SLTM: variants seen among roughly 807,000 people sequenced by gnomAD.
The protein encoded by SLTM is SAFB like transcription modulator.
In SLTM, 43 loss-of-function variants were observed where a neutral mutation model predicts 134.6. That is an observed-to-expected ratio of 0.32 (90% CI 0.25 to 0.41). The LOEUF is 0.41. Among genes scored for constraint, SLTM ranks in the 10% least tolerant of loss-of-function variants. The pLI is 1.00. For synonymous variants in SLTM, 424 were observed against 432.3 expected (o/e 0.98, Z 0.24); for missense variants, 1,055 against 1,288.8 (o/e 0.82, Z 2.78).
intron 2 of SLTM, among the ~76,000 whole-genome samples, chr15:58,929,804 T>C (rs7181271): frequency 6.6e-6 from 1 of 151,996 alleles, no homozygotes; most frequent in South Asian, 2.1e-4. Context: ...TAGAACTGAG[T>C]TGGTATGACG....
Position 58,880,137 on chromosome 15 carries a change from A to T in SLTM, c.2997-30T>A. On this transcript the variant is annotated intron_variant, in intron 20 of 20. Transcript: ENST00000380516. Reference sequence around the variant, plus strand: ...AAAAGGTTTAAAAGAAAAAAACATCAGAGAACAAAGAACAAATCATCACTG... The same window carrying T: ...AAAAGGTTTAAAAGAAAAAAACATCTGAGAACAAAGAACAAATCATCACTG... 5 of 1,606,002 alleles carry T rather than the reference A, an allele frequency of 3.1e-6. No homozygotes were observed. The East Asian group carries it at 6.7e-5, about 22-fold the overall frequency.
chr15:58,931,649 T>TA (rs1761517292), intron 2 of SLTM, among the ~76,000 whole-genome samples: 1 of 152,196 alleles, frequency 6.6e-6, no homozygotes, highest in Admixed American at 6.5e-5. Context: ...CAAGAAGCTT[T>TA]AAAAAATACC....
chr15:58,923,180 G>A (rs2037217184), intron 2 of SLTM, among the ~76,000 whole-genome samples: 1 of 151,950 alleles, frequency 6.6e-6, no homozygotes, highest in East Asian at 1.9e-4. Flanking sequence ...CAACATGGTG[G>A]AGCCCCGTAT....
intron 3 of SLTM, chr15:58,916,658 C>T (rs950855610): frequency 2.7e-5 from 7 of 258,834 alleles, no homozygotes; most frequent in African/African-American, 4.5e-5. Flanking sequence ...TCAATTGTCT[C>T]GTAGCTATTC....
In SLTM at chr15:58,897,101, TA is replaced by T; in HGVS notation, c.1227+13del. On this transcript the variant is annotated intron_variant, in intron 9 of 20. Coordinates refer to ENST00000380516, the MANE Select transcript of SLTM (RefSeq NM_024755.4). ...GACACCAGAAAGACAGATAAAAAGG[TA>T]AAAAGAATGTACCTTTCCATATTTG... is the stretch of plus-strand genomic sequence containing the variant. 6.7e-7 allele frequency: 1 copy of T among 1,497,102 alleles called. No individual in the cohort carries two copies. The highest frequency in any genetic ancestry group is 9.3e-7 in the Non-Finnish European group (1 of 1,074,050). The allele number at this position is 1,497,102 out of a possible 1,614,324, so 92.7% of individuals were successfully genotyped here.
Position 58,893,960 on chromosome 15 carries a change from CTCT to C in SLTM, c.1506_1508del (p.Glu503del), listed in dbSNP as rs1488911012. The C allele has an allele frequency of 6.2e-7, 1 of 1,610,970 alleles. No homozygotes were observed. ...TTTCAGATTTCTCAGACGATCTTTT[CTCT>C]TCTTTTTTGACAGAGGCTTGTGTCC... On this transcript the variant is annotated inframe_deletion, in exon 12 of 21. Coordinates refer to ENST00000380516, the MANE Select transcript of SLTM (RefSeq NM_024755.4).
At chr15:58,910,910 A>C (rs902413718) in intron 5 of SLTM, among the ~76,000 whole-genome samples, 9 of 151,880 alleles carry the variant, frequency 5.9e-5, no homozygotes. Context: ...AGGCCTGGCT[A>C]ATTTTTTGTA....
At chr15:58,909,827 G>A (rs1388185550) in intron 5 of SLTM, among the ~76,000 whole-genome samples, 1 of 152,200 alleles carries the variant, frequency 6.6e-6, no homozygotes, top group East Asian at 1.9e-4. Context: ...TCCAGGCCTT[G>A]GAAGCTCTAT....
Position 58,932,427 on chromosome 15 carries a change from C to T in SLTM, c.179G>A (p.Gly60Glu), listed in dbSNP as rs1448346666. The change falls in exon 2 of 21, where the codon GGA (glycine) becomes GAA (glutamate). Residue 60 changes from glycine (G) to glutamate (E), a missense_variant. Gly to Glu is a moderately conservative substitution (Grantham distance 98). This residue lies in a region of SLTM where 268 missense variants were observed against 284.3 expected (regional missense o/e 0.94). Coordinates refer to ENST00000380516, the MANE Select transcript of SLTM (RefSeq NM_024755.4). The part of the protein sequence containing the change: ...SRLKQAIEEE[G>E]GDPDNIELTV... ...TAATTCAATATTATCTGGATCGCCTCCTTCCTCTTCAATAGCCTACATTAG... is the reference window on the plus strand; with the variant it reads ...TAATTCAATATTATCTGGATCGCCTTCTTCCTCTTCAATAGCCTACATTAG... 1 of 1,610,428 alleles carries T rather than the reference C, an allele frequency of 6.2e-7. No individual in the cohort carries two copies. Among genetic ancestry groups the T allele is most frequent in the Non-Finnish European group, 8.5e-7 (1 of 1,176,834 alleles).
At chr15:58,915,227 CAAAAAA>C (rs1555454294) in intron 3 of SLTM, among the ~76,000 whole-genome samples, 4 of 109,510 alleles carry the variant, frequency 3.7e-5, no homozygotes, top group African/African-American at 1.2e-4. Flanking sequence ...AAAACAAAAA[CAAAAAA>C]AAAGTTCCCT....
At chr15:58,905,838 G>T (rs368428967) in intron 5 of SLTM, among the ~76,000 whole-genome samples, 1 of 151,970 alleles carries the variant, frequency 6.6e-6, no homozygotes, top group Admixed American at 6.6e-5. Flanking sequence ...ACTTGCTGGA[G>T]AATTTTTAGA....
At chr15:58,880,596 C>T (rs2033616541) in intron 20 of SLTM, among the ~76,000 whole-genome samples, 1 of 152,156 alleles carries the variant, frequency 6.6e-6, no homozygotes, top group Non-Finnish European at 1.5e-5. Context: ...TCACTCACTT[C>T]ACCGAGGCTG....
At position 58,917,896 on chromosome 15, in the gene SLTM, C is replaced by T. The variant is rs149417649; in HGVS notation, c.251-897G>A. ...TCCCAAGTAGCTGGAATTACAGGCA[C>T]GAGGCACCATGCCTGGCTAATTTTT... On this transcript the variant is annotated intron_variant, in intron 2 of 20. Transcript: ENST00000380516. Among the ~76,000 whole-genome samples, 399 of 152,014 alleles carry T rather than the reference C, an allele frequency of 2.6e-3. 3 individuals carry two copies. Among genetic ancestry groups the T allele is most frequent in the African/African-American group, 9.1e-3 (376 of 41,442 alleles).
At position 58,908,002 on chromosome 15, in the gene SLTM, C is replaced by T. The variant is rs866862559; in HGVS notation, c.561+4561G>A. Among the ~76,000 whole-genome samples the T allele has an allele frequency of 2.0e-4, 28 of 139,940 alleles. 1 individual carries two copies. Among genetic ancestry groups the T allele is most frequent in the Non-Finnish European group, 1.2e-4 (8 of 65,870 alleles). 91.8% of individuals were successfully genotyped at this position (139,940 alleles called of 152,430 possible). ...GATATATCCCTATATAAACATGCTG[C>T]GTGTGTGTGTGTGTGTGTGTGTGTG... On this transcript the variant is annotated intron_variant, in intron 5 of 20. Transcript: ENST00000380516.
In SLTM at chr15:58,899,593, C is replaced by T. The variant is rs150999875; in HGVS notation, c.934G>A (p.Val312Met). ...NHKDGKKEDC[V>M]KGDPVEKEAR... ...TCCTTCTCGACAGGGTCACCCTTCA[C>T]GCAGTCTTCCTTCTTACCATCTTTA... The change falls in exon 7 of 21, where the codon GTG becomes ATG. Residue 312 changes from valine to methionine, a missense_variant. By Grantham distance (21) the Val-to-Met change is conservative. This residue lies in a region of SLTM where 776 missense variants were observed against 962.2 expected (regional missense o/e 0.81). Transcript: ENST00000380516. This position sits in a 1 kb window ranked among gnomAD's most constrained non-coding sequence, Gnocchi z 5.0. The T allele has an allele frequency of 3.5e-5, 56 of 1,614,202 alleles. No individual in the cohort carries two copies. The highest frequency in any genetic ancestry group is 2.4e-4 in the African/African-American group (18 of 75,070).
At chr15:58,919,386 T>C (rs2036865946) in intron 2 of SLTM, among the ~76,000 whole-genome samples, 1 of 151,916 alleles carries the variant, frequency 6.6e-6, no homozygotes, top group East Asian at 1.9e-4. Context: ...CTTGAGCCCA[T>C]GAGTTGAGAC....
chr15:58,928,915 C>T (rs2037669609), intron 2 of SLTM, among the ~76,000 whole-genome samples: 2 of 152,276 alleles, frequency 1.3e-5, no homozygotes, highest in South Asian at 4.1e-4. Flanking sequence ...TATGAGCTTA[C>T]CTGTTGCTTC....
At chr15:58,926,664 G>C (rs146550716) in intron 2 of SLTM, among the ~76,000 whole-genome samples, 20 of 150,990 alleles carry the variant, frequency 1.3e-4, no homozygotes, top group African/African-American at 4.9e-4. Context: ...ACCCAGGCTG[G>C]AGTGCAGCAG....
intron 2 of SLTM, among the ~76,000 whole-genome samples, chr15:58,925,896 G>A (rs967098119): frequency 1.3e-5 from 2 of 152,130 alleles, no homozygotes; most frequent in Non-Finnish European, 2.9e-5. Flanking sequence ...TCTCAGCACC[G>A]TTGTGAGAAT....
Sources: allele counts gnomAD v4.1 joint callset (sites outside exome capture counted in the v4.1 genomes callset), GRCh38; gene constraint gnomAD v4.1.1; regional missense constraint gnomAD v4.1.1; non-coding constraint Gnocchi (gnomAD v3.1); transcripts MANE v1.5; gene names NCBI Gene and HGNC (gene_info 2026-07-23, HGNC 2026-07-21).